Variants in PLEKHG4B observed in about 807,000 individuals in gnomAD.
The protein encoded by PLEKHG4B is pleckstrin homology domain-containing family G member 4B.
PLEKHG4B carries 111 observed loss-of-function variants against 121.3 expected under a neutral mutation model. The ratio of observed to expected loss-of-function variants is 0.92; its 90% CI spans 0.78 to 1.07. The LOEUF (loss-of-function observed/expected upper bound fraction) is 1.07, where lower values mean the gene tolerates loss of function less well. Ranked by LOEUF, PLEKHG4B falls within the 50% of genes least tolerant of loss-of-function variation. The pLI is 0.00. For synonymous variants in PLEKHG4B, 738 were observed against 725.0 expected (o/e 1.02, Z -0.29); for missense variants, 1,831 against 1,757.8 (o/e 1.04, Z -0.74).
intron 8 of PLEKHG4B, 108 bp from the exon 9 acceptor site, chr5:155,236 CT>C: frequency 1.9e-6 from 2 of 1,059,780 alleles, no homozygotes; most frequent in South Asian, 2.7e-5. Flanking sequence ...CATATGGAAG[CT>C]TCCCAACCCG....
At chr5:155,245 C>A in intron 8 of PLEKHG4B, 100 bp from the exon 9 acceptor site, 2 of 1,135,642 alleles carry the variant, frequency 1.8e-6, no homozygotes, top group Non-Finnish European at 2.7e-6. Context: ...GCTTCCCAAC[C>A]CGAGATCGGT....
chr5:162,288 CGCCTGCGAGCTCCCCCGCGCCGGGGACT>C (rs555252362), intron 12 of PLEKHG4B, among the ~76,000 whole-genome samples: 145 of 73,390 alleles, frequency 2.0e-3, no homozygotes, highest in Middle Eastern at 8.8e-3. Context: ...CCAGACCGCA[CGCCTGCGAGCTCCCCCGCGCCGGGGACT>C]GCCTGCCATT....
chr5:169,806 G>A (rs1736483624), intron 14 of PLEKHG4B, among the ~76,000 whole-genome samples: 1 of 152,244 alleles, frequency 6.6e-6, no homozygotes, highest in Non-Finnish European at 1.5e-5. Context: ...TGCGCGTGGT[G>A]TGACCGACTG....
At chr5:120,710 C>T (rs938908287) in intron 2 of PLEKHG4B, among the ~76,000 whole-genome samples, 4 of 152,194 alleles carry the variant, frequency 2.6e-5, no homozygotes, top group African/African-American at 7.2e-5. Flanking sequence ...TGAAAGGAAA[C>T]ATGCCTGCAT....
rs557608688 is a variant in PLEKHG4B, at chr5:141,936, G to C, written c.1478-1111G>C. 6.6e-5 allele frequency among the ~76,000 whole-genome samples: 10 copies of C among 152,254 alleles called. No individual in the cohort carries two copies. In the South Asian group the frequency reaches 2.1e-3, roughly 32 times the overall value. On this transcript the variant is annotated intron_variant, in intron 3 of 19. Coordinates refer to ENST00000637938, the MANE Select transcript of PLEKHG4B (RefSeq NM_052909.5). ...CCAACCCCTCCTACCTGCCTGGCCT[G>C]ACCAGGGGCTCGGAGGCAATGGCAC...
At chr5:164,458 C>T (rs1214663676) in intron 13 of PLEKHG4B, among the ~76,000 whole-genome samples, 1 of 126,856 alleles carries the variant, frequency 7.9e-6, no homozygotes, top group African/African-American at 4.1e-5. Context: ...GCGGGGCTCA[C>T]AGTAATGTTG....
chr5:180,652 A>G (rs1371849085), intron 18 of PLEKHG4B, among the ~76,000 whole-genome samples: 1 of 152,222 alleles, frequency 6.6e-6, no homozygotes, highest in African/African-American at 2.4e-5. Context: ...GATGTAAGGT[A>G]CACGAGCAAA....
At chr5:144,769 C>G in intron 5 of PLEKHG4B, 58 bp from the exon 6 acceptor site, 1 of 1,469,830 alleles carries the variant, frequency 6.8e-7, no homozygotes, top group East Asian at 2.3e-5. Context: ...TGGAGAAACT[C>G]GTTCTTGTAA....
In PLEKHG4B at chr5:162,995, C is replaced by T. The variant is rs867176777; in HGVS notation, c.2923C>T (p.Pro975Ser). Residue 975 changes from proline to serine, a missense_variant, in exon 13 of 20, where the codon CCA (proline) becomes TCA (serine). Physicochemically the swap from Pro to Ser is moderately conservative, Grantham distance 74. Transcript: ENST00000637938. ...CTTACCGCCCCTTGCCCAGAGCCCC[C>T]CAAAGCATGAGCGTGCCCAGGAGGC... ...PSLPPLAQSP[P>S]KHERAQEAMR... is the part of the protein sequence containing the mutation. 1.9e-6 allele frequency: 3 copies of T among 1,567,418 alleles called. No homozygotes were observed. The highest frequency in any genetic ancestry group is 1.2e-5 in the South Asian group (1 of 85,422).
chr5:134,765 C>CAAAAAA (rs147226236), intron 2 of PLEKHG4B, among the ~76,000 whole-genome samples: 1 of 84,626 alleles, frequency 1.2e-5, no homozygotes, highest in African/African-American at 3.5e-5. Flanking sequence ...GACTCTGTCT[C>CAAAAAA]AAAAAAAAAA....
At chr5:172,757 C>A (rs1015591459) in intron 16 of PLEKHG4B, 140 bp from the exon 17 acceptor site, 58 of 879,866 alleles carry the variant, frequency 6.6e-5, no homozygotes, top group Non-Finnish European at 1.0e-4. Flanking sequence ...AACATTAAGG[C>A]GGATTTGCCA....
At chr5:138,419 T>C (rs1438746478) in intron 2 of PLEKHG4B, among the ~76,000 whole-genome samples, 1 of 152,248 alleles carries the variant, frequency 6.6e-6, no homozygotes, top group Non-Finnish European at 1.5e-5. Context: ...TCATACTCGA[T>C]TTTACATTCC....
intron 2 of PLEKHG4B, among the ~76,000 whole-genome samples, chr5:130,954 A>G (rs1311544188): frequency 6.6e-6 from 1 of 152,256 alleles, no homozygotes; most frequent in East Asian, 1.9e-4. Flanking sequence ...ATTGAGGCAA[A>G]GAAGAATGGT....
intron 1 of PLEKHG4B, among the ~76,000 whole-genome samples, chr5:112,865 C>G (rs1015472485): frequency 1.3e-5 from 2 of 152,132 alleles, no homozygotes; most frequent in Non-Finnish European, 2.9e-5. Flanking sequence ...GGACTCACAG[C>G]CCCACCCCAA....
intron 2 of PLEKHG4B, among the ~76,000 whole-genome samples, chr5:128,058 C>G (rs926597387): frequency 1.3e-5 from 2 of 152,146 alleles, no homozygotes; most frequent in Admixed American, 1.3e-4. Flanking sequence ...GACAAAGTTT[C>G]TTTTGAATCT....
intron 6 of PLEKHG4B, among the ~76,000 whole-genome samples, chr5:145,430 A>G (rs1454777545): frequency 6.6e-6 from 1 of 152,218 alleles, no homozygotes; most frequent in Non-Finnish European, 1.5e-5. Context: ...CCATTGCCAC[A>G]GGTCCCTGCA....
chr5:124,512 T>A (rs1026233336), intron 2 of PLEKHG4B, among the ~76,000 whole-genome samples: 15 of 152,258 alleles, frequency 9.9e-5, no homozygotes, highest in African/African-American at 3.6e-4. Context: ...ATTGTAGAGC[T>A]GTCTGTGTCT....
rs539387326 is a variant in PLEKHG4B, at chr5:166,828, T to C, written c.3477-2512T>C. Among the ~76,000 whole-genome samples the C allele has an allele frequency of 1.6e-4, 24 of 152,342 alleles. No homozygotes were observed. The East Asian group carries it at 3.3e-3, about 21-fold the overall frequency. On this transcript the variant is annotated intron_variant, in intron 13 of 19. Transcript: ENST00000637938. ...CACACCTTTAGGTTGCCAGACTCAG[T>C]GTTTACCTTGTTAAAGGCAAAGCTC...
At position 157,001 on chromosome 5, in the gene PLEKHG4B, T is replaced by C; in HGVS notation, c.2487+90T>C. 4 of 1,497,666 alleles carry C rather than the reference T, an allele frequency of 2.7e-6. No homozygotes were observed. The highest frequency in any genetic ancestry group is 3.7e-6 in the Non-Finnish European group (4 of 1,093,948). The allele number at this position is 1,497,666 out of a possible 1,614,324, so 92.8% of individuals were successfully genotyped here. On this transcript the variant is annotated intron_variant, in intron 11 of 19. Coordinates refer to ENST00000637938, the MANE Select transcript of PLEKHG4B (RefSeq NM_052909.5). The surrounding 1 kb of genome is among the most constrained non-coding windows in gnomAD (Gnocchi z 4.6). ...CCCTCTCACCTTCACACTGTGTCTTTAGGGCCTTGATCTGATTTCCATTTG... is the reference window on the plus strand; with the variant it reads ...CCCTCTCACCTTCACACTGTGTCTTCAGGGCCTTGATCTGATTTCCATTTG...
Sources: allele counts gnomAD v4.1 joint callset (sites outside exome capture counted in the v4.1 genomes callset), GRCh38; gene constraint gnomAD v4.1.1; non-coding constraint Gnocchi (gnomAD v3.1); transcripts MANE v1.5; gene names NCBI Gene and HGNC (gene_info 2026-07-23, HGNC 2026-07-21).